TEX10: variants seen among roughly 807,000 people sequenced by gnomAD.
The protein encoded by TEX10 is testis-expressed protein 10.
A neutral mutation model predicts 104.4 loss-of-function variants in TEX10; 24 were observed. The ratio of observed to expected loss-of-function variants is 0.23; its 90% CI spans 0.17 to 0.32. The LOEUF (loss-of-function observed/expected upper bound fraction) is 0.32. Ranked by LOEUF, TEX10 falls within the 10% of genes least tolerant of loss-of-function variation. The pLI is 1.00. For synonymous variants in TEX10, 396 were observed against 393.4 expected (o/e 1.01, Z -0.08); for missense variants, 921 against 1,083.9 (o/e 0.85, Z 2.11).
intron 4 of TEX10, among the ~76,000 whole-genome samples, chr9:100,345,435 CA>C (rs980429039): frequency 1.3e-5 from 2 of 152,206 alleles, no homozygotes; most frequent in African/African-American, 4.8e-5. Flanking sequence ...CCTGCCTTAT[CA>C]AAAGTCCTTA....
intron 13 of TEX10, chr9:100,305,064 A>G (rs1450159109): frequency 6.6e-6 from 1 of 152,168 alleles, no homozygotes; most frequent in Non-Finnish European, 1.5e-5. Context: ...TATGGAGCAA[A>G]ATGTTTATGG....
At chr9:100,329,314 A>G in intron 6 of TEX10, 39 bp from the exon 7 acceptor site, 1 of 1,577,502 alleles carries the variant, frequency 6.3e-7, no homozygotes. Context: ...ATGAATCAAA[A>G]AATGTTTAAC....
chr9:100,326,959 AATACCAGTG>A (rs1178967556), intron 8 of TEX10, among the ~76,000 whole-genome samples: 3 of 152,248 alleles, frequency 2.0e-5, no homozygotes, highest in Non-Finnish European at 4.4e-5. Context: ...CAAATGGATA[AATACCAGTG>A]ACATATCCAT....
At chr9:100,332,248 TAAGAA>T (rs1339986152) in intron 5 of TEX10, among the ~76,000 whole-genome samples, 1 of 152,198 alleles carries the variant, frequency 6.6e-6, no homozygotes, top group Non-Finnish European at 1.5e-5. Context: ...ATCCTATCAT[TAAGAA>T]AAGAGACAGT....
chr9:100,349,605 G>T (rs1835390678), intron 1 of TEX10, among the ~76,000 whole-genome samples: 1 of 152,062 alleles, frequency 6.6e-6, no homozygotes, highest in Admixed American at 6.6e-5. Flanking sequence ...AAAGTTTTTT[G>T]GGTCACAGAA....
At chr9:100,322,375 TTCC>T (rs1179561458) in intron 9 of TEX10, among the ~76,000 whole-genome samples, 1 of 152,178 alleles carries the variant, frequency 6.6e-6, no homozygotes, top group Non-Finnish European at 1.5e-5. Context: ...GATTATTTGG[TTCC>T]TCCTATGAGA....
chr9:100,349,297 G>C lies in TEX10; in HGVS notation c.67C>G (p.Pro23Ala). ...GTAGGAGTAGCATTTTGTAACTTGG[G>C]CTTCTTTTTACCAACTTTCAATTTT... is the stretch of plus-strand genomic sequence containing the variant. ...KVKLKVGKKK[P>A]KLQNATPTNF... is the part of the protein sequence containing the mutation. The change falls in exon 2 of 15, where the codon CCC (proline) becomes GCC (alanine). Residue 23 changes from proline (P) to alanine (A), a missense_variant. By Grantham distance (27) the Pro-to-Ala change is conservative. Transcript: ENST00000374902. 6.2e-7 allele frequency: 1 copy of C among 1,604,538 alleles called. No homozygotes were observed. Among genetic ancestry groups the C allele is most frequent in the Admixed American group, 1.7e-5 (1 of 58,386 alleles).
intron 4 of TEX10, among the ~76,000 whole-genome samples, chr9:100,344,396 T>A (rs1835249582): frequency 6.6e-6 from 1 of 152,198 alleles, no homozygotes; most frequent in South Asian, 2.1e-4. Flanking sequence ...GACCCAAAAC[T>A]AGCATAATTA....
chr9:100,319,259 A>G (rs546145349), intron 11 of TEX10, among the ~76,000 whole-genome samples: 29 of 152,214 alleles, frequency 1.9e-4, no homozygotes, highest in African/African-American at 3.9e-4. Context: ...GTCAGTAGTT[A>G]ATTAATTCAG....
rs373196791 is a variant in TEX10 at position 100,347,085 on chromosome 9, G to A, written c.502C>T (p.Leu168=). The change falls in exon 3 of 15, where the codon CTG becomes TTG. Residue 168 remains leucine, a synonymous_variant. Transcript: ENST00000374902. The part of the protein sequence containing the change: ...EDSLKVLDIL[L]EQYPALITGR... ...GTAATTAGAGCTGGGTACTGTTCCA[G>A]CAGAATGTCCAAAACTTTTAAAGAG... The A allele has an allele frequency of 6.0e-5, 97 of 1,614,054 alleles. No individual in the cohort carries two copies. Among genetic ancestry groups the A allele is most frequent in the Non-Finnish European group, 7.9e-5 (93 of 1,180,036 alleles).
rs576575019 is a variant in TEX10 at position 100,323,477 on chromosome 9, A to G, written c.1980-1706T>C. On this transcript the variant is annotated intron_variant, in intron 9 of 14. Coordinates refer to ENST00000374902, the MANE Select transcript of TEX10 (RefSeq NM_017746.4). ...CGTATTTATGCTTTCTGTTTCCCCA[A>G]TCTGGCTATAAATAAACTGGGGTAG... Among the ~76,000 whole-genome samples, 24 of 152,254 alleles carry G rather than the reference A, an allele frequency of 1.6e-4. 2 individuals are homozygous for G. The South Asian group carries it at 3.9e-3, about 25-fold the overall frequency.
chr9:100,347,088 G>C lies in TEX10; in HGVS notation c.499C>G (p.Leu167Val). Residue 167 changes from leucine to valine, a missense_variant, in exon 3 of 15, where the codon CTG (leucine) becomes GTG (valine). By Grantham distance (32) the Leu-to-Val change is conservative. Transcript: ENST00000374902. ...ATTAGAGCTGGGTACTGTTCCAGCA[G>C]AATGTCCAAAACTTTTAAAGAGTCC... Reference protein sequence around the residue: ...QEDSLKVLDILLEQYPALITG... With the variant: ...QEDSLKVLDIVLEQYPALITG... 1 of 1,614,194 alleles carries C rather than the reference G, an allele frequency of 6.2e-7. No homozygotes were observed. The highest frequency in any genetic ancestry group is 8.5e-7 in the Non-Finnish European group (1 of 1,180,030).
intron 5 of TEX10, among the ~76,000 whole-genome samples, chr9:100,338,147 G>A (rs1835059415): frequency 6.6e-6 from 1 of 152,210 alleles, no homozygotes; most frequent in South Asian, 2.1e-4. Flanking sequence ...CTAGAAAGCT[G>A]TAAGAGGAAG....
intron 6 of TEX10, among the ~76,000 whole-genome samples, chr9:100,329,493 G>C (rs1041697556): frequency 6.6e-6 from 1 of 151,950 alleles, no homozygotes; most frequent in African/African-American, 2.4e-5. Flanking sequence ...ACAAACCTAG[G>C]AATGACAAAA....
rs539999343 is a variant in TEX10 at position 100,311,885 on chromosome 9, G to A, written c.2203-1506C>T. Reference sequence around the variant, plus strand: ...TGGTAGAAGGATGAATATCACTCTAGGAAGAGATCAGTCAGTTAAGTTCAA... The same window carrying A: ...TGGTAGAAGGATGAATATCACTCTAAGAAGAGATCAGTCAGTTAAGTTCAA... On this transcript the variant is annotated intron_variant, in intron 11 of 14. Coordinates refer to ENST00000374902, the MANE Select transcript of TEX10 (RefSeq NM_017746.4). Among the ~76,000 whole-genome samples the A allele has an allele frequency of 2.0e-5, 3 of 152,208 alleles. No homozygotes were observed. In the South Asian group the frequency reaches 6.2e-4, roughly 32 times the overall value.
Position 100,302,258 on chromosome 9 carries a change from T to G in TEX10, c.2723A>C (p.His908Pro). Reference sequence around the variant, plus strand: ...AGTGATATACACGTTGAAGCAGTAATGTAAGTCTGTGAGCCACTGTTCCTG... The same window carrying G: ...AGTGATATACACGTTGAAGCAGTAAGGTAAGTCTGTGAGCCACTGTTCCTG... ...SVQEQWLTDL[H>P]YCFNVYITGH... The change falls in exon 15 of 15, where the codon CAT (histidine) becomes CCT (proline). Residue 908 changes from histidine (H) to proline (P), a missense_variant. Coordinates refer to ENST00000374902, the MANE Select transcript of TEX10 (RefSeq NM_017746.4). 6.2e-7 allele frequency: 1 copy of G among 1,613,726 alleles called. No homozygotes were observed. The highest frequency in any genetic ancestry group is 8.5e-7 in the Non-Finnish European group (1 of 1,179,776).
At chr9:100,331,242 C>T (rs1472950444) in intron 5 of TEX10, among the ~76,000 whole-genome samples, 3 of 152,136 alleles carry the variant, frequency 2.0e-5, no homozygotes, top group African/African-American at 7.2e-5. Flanking sequence ...ACCTGGGCAA[C>T]AGGAGTGAAA....
intron 1 of TEX10, chr9:100,352,497 T>C (rs1835481417): frequency 1.9e-6 from 3 of 1,550,992 alleles, no homozygotes; most frequent in Non-Finnish European, 8.7e-7. Flanking sequence ...TGGGGCCCGA[T>C]TCACACACTC....
chr9:100,343,658 G>A (rs931639101), intron 4 of TEX10, among the ~76,000 whole-genome samples: 2 of 149,672 alleles, frequency 1.3e-5, no homozygotes, highest in African/African-American at 2.4e-5. Flanking sequence ...GTAAATACTA[G>A]CAAACTAAAT....
Sources: allele counts gnomAD v4.1 joint callset (sites outside exome capture counted in the v4.1 genomes callset), GRCh38; gene constraint gnomAD v4.1.1; transcripts MANE v1.5; gene names NCBI Gene and HGNC (gene_info 2026-07-23, HGNC 2026-07-21).